The following PLCB4 variants were observed in gnomAD, a reference collection of about 807,000 sequenced individuals.
PLCB4 encodes the protein phospholipase C beta 4.
PLCB4 carries 77 observed loss-of-function variants against 178.8 expected under a neutral mutation model. The ratio of observed to expected loss-of-function variants is 0.43; its 90% CI spans 0.36 to 0.52. The LOEUF is 0.52. Among genes scored for constraint, PLCB4 ranks in the 20% least tolerant of loss-of-function variants. The probability of loss-of-function intolerance (pLI) is 0.00; values close to 1 mark genes in which losing one functional copy is unlikely to be tolerated. For synonymous variants in PLCB4, 496 were observed against 490.8 expected (o/e 1.01, Z -0.14); for missense variants, 1,024 against 1,453.4 (o/e 0.70, Z 4.80).
chr20:9,392,430 A>G (rs1350943762), intron 17 of PLCB4, among the ~76,000 whole-genome samples: 1 of 152,184 alleles, frequency 6.6e-6, no homozygotes, highest in Admixed American at 6.5e-5. Context: ...TTATAAAGTC[A>G]TTTACTTGGT....
intron 39 of PLCB4, 106 bp downstream of exon 39, chr20:9,476,859 C>A: frequency 1.3e-6 from 1 of 744,304 alleles, no homozygotes; most frequent in Non-Finnish European, 2.3e-6. Flanking sequence ...TAACTAATAT[C>A]TGAAGGGTTT....
intron 2 of PLCB4, among the ~76,000 whole-genome samples, chr20:9,179,914 AT>A (rs1409482707): frequency 6.6e-6 from 1 of 152,164 alleles, no homozygotes; most frequent in Non-Finnish European, 1.5e-5. Flanking sequence ...ACACACCACT[AT>A]CCCCATAAAA....
chr20:9,417,843 T>C (rs2040359620), intron 25 of PLCB4, among the ~76,000 whole-genome samples: 1 of 152,188 alleles, frequency 6.6e-6, no homozygotes, highest in African/African-American at 2.4e-5. Flanking sequence ...TTCCAATTTC[T>C]CCACATCCTT....
intron 3 of PLCB4, among the ~76,000 whole-genome samples, chr20:9,249,771 T>C (rs943226041): frequency 3.3e-5 from 5 of 152,212 alleles, no homozygotes; most frequent in Non-Finnish European, 7.3e-5. Flanking sequence ...AGGGAAACAC[T>C]ATCTCAACGT....
chr20:9,293,622 T>TATTC (rs4053132), intron 3 of PLCB4, among the ~76,000 whole-genome samples: 43,214 of 150,672 alleles, frequency 0.29, 6,182 homozygotes, highest in East Asian at 0.35. Context: ...CAGAGTAAAA[T>TATTC]ATTCATTCAT....
intron 2 of PLCB4, among the ~76,000 whole-genome samples, chr20:9,183,343 G>A (rs1486759398): frequency 1.3e-5 from 2 of 152,150 alleles, no homozygotes; most frequent in Admixed American, 6.5e-5. Flanking sequence ...TGGGGAGGAG[G>A]AAGTGATGAG....
intron 2 of PLCB4, among the ~76,000 whole-genome samples, chr20:9,122,046 T>C (rs1170229046): frequency 1.3e-5 from 2 of 152,152 alleles, no homozygotes; most frequent in Non-Finnish European, 2.9e-5. Flanking sequence ...ATGAGTGTGT[T>C]GTTTGGTTTC....
chr20:9,378,732 G>A (rs562039486), intron 12 of PLCB4, among the ~76,000 whole-genome samples: 150 of 152,238 alleles, frequency 9.9e-4, no homozygotes, highest in Non-Finnish European at 1.8e-3. Flanking sequence ...GCTTCATTGG[G>A]ATAAATTGAT....
At chr20:9,331,609 A>C (rs2148025344) in intron 4 of PLCB4, among the ~76,000 whole-genome samples, 1 of 152,360 alleles carries the variant, frequency 6.6e-6, no homozygotes, top group African/African-American at 2.4e-5. Flanking sequence ...GAGGGGATTA[A>C]ACTTTATTGA....
intron 3 of PLCB4, among the ~76,000 whole-genome samples, 173 bp from the exon 4 acceptor site, chr20:9,307,627 T>C (rs1164389471): frequency 6.6e-6 from 1 of 151,942 alleles, no homozygotes; most frequent in African/African-American, 2.4e-5. Context: ...TTATGATATC[T>C]CCAGGTTTAG....
intron 7 of PLCB4, among the ~76,000 whole-genome samples, chr20:9,341,884 A>T (rs1320796312): frequency 6.6e-6 from 1 of 152,174 alleles, no homozygotes; most frequent in African/African-American, 2.4e-5. Context: ...ATTCAAACTC[A>T]ATACTATTTG....
At chr20:9,457,584 C>T (rs1568880685) in intron 34 of PLCB4, 95 bp downstream of exon 34, 1 of 740,860 alleles carries the variant, frequency 1.3e-6, no homozygotes, top group Non-Finnish European at 2.5e-6. Context: ...ATAACAGTAG[C>T]CCAGAGCTGG....
At chr20:9,463,441 T>G (rs903104328) in intron 35 of PLCB4, among the ~76,000 whole-genome samples, 4 of 151,784 alleles carry the variant, frequency 2.6e-5, no homozygotes, top group African/African-American at 9.7e-5. Context: ...GTAAATAGGC[T>G]AAATGCCCCA....
At chr20:9,389,610 C>A (rs1162032424) in intron 15 of PLCB4, among the ~76,000 whole-genome samples, 1 of 152,188 alleles carries the variant, frequency 6.6e-6, no homozygotes, top group Non-Finnish European at 1.5e-5. Context: ...GACTGGCATG[C>A]CATTTAGGTG....
intron 17 of PLCB4, among the ~76,000 whole-genome samples, chr20:9,393,280 G>T (rs1204561654): frequency 6.6e-6 from 1 of 152,144 alleles, no homozygotes; most frequent in East Asian, 1.9e-4. Context: ...AAGGTGCAAG[G>T]CCCTCTGGGG....
At chr20:9,154,897 CTCCTTCCCTCCTTCCTTCCT>C in intron 2 of PLCB4, among the ~76,000 whole-genome samples, 1 of 94,680 alleles carries the variant, frequency 1.1e-5, no homozygotes. Context: ...CCCTCCTTCC[CTCCTTCCCTCCTTCCTTCCT>C]TCCTTCCTTC....
chr20:9,308,377 CTG>C (rs1357336596), intron 4 of PLCB4, among the ~76,000 whole-genome samples: 1 of 152,150 alleles, frequency 6.6e-6, no homozygotes, highest in Non-Finnish European at 1.5e-5. Flanking sequence ...CATTTATTGT[CTG>C]TGCCCTTGCA....
intron 8 of PLCB4, among the ~76,000 whole-genome samples, chr20:9,364,179 C>G (rs1398566185): frequency 1.3e-5 from 2 of 151,928 alleles, no homozygotes; most frequent in Non-Finnish European, 1.5e-5. Context: ...CTGCAGTTGC[C>G]CTGGCATGTG....
intron 2 of PLCB4, among the ~76,000 whole-genome samples, chr20:9,214,056 G>T (rs570102404): frequency 6.6e-6 from 1 of 152,194 alleles, no homozygotes; most frequent in Admixed American, 6.5e-5. Context: ...TTCCTGTTCT[G>T]TGGGTTCTCT....
Sources: gnomAD v4.1 joint callset for allele counts (sites outside exome capture counted in the v4.1 genomes callset) on GRCh38, gnomAD v4.1.1 for gene constraint, MANE v1.5 for transcripts, NCBI Gene and HGNC (gene_info 2026-07-23, HGNC 2026-07-21) for gene names.